The following EXOC6B variants were observed in gnomAD, a reference collection of about 807,000 sequenced individuals.
EXOC6B encodes SEC15 homolog B.
Under a neutral mutation model 113.5 loss-of-function variants are expected in EXOC6B, and 54 were observed. The ratio of observed to expected loss-of-function variants is 0.48; its 90% confidence interval spans 0.38 to 0.60. The LOEUF is 0.60. EXOC6B is among the 20% of genes least tolerant of loss of function. The pLI, the probability that EXOC6B is intolerant of heterozygous loss-of-function variation, is 0.00. For missense variants in EXOC6B, 797 were observed against 977.5 expected (o/e 0.82, Z 2.46); for synonymous variants, 357 against 339.0 (o/e 1.05, Z -0.58).
chr2:72,559,651 A>G (rs959688246), intron 7 of EXOC6B, 130 bp from the exon 8 acceptor site: 2 of 635,466 alleles, frequency 3.1e-6, no homozygotes, highest in Non-Finnish European at 5.3e-6. Flanking sequence ...GAAATACAAA[A>G]CAAACAAAAA....
chr2:72,387,237 T>G (rs1443517570), intron 18 of EXOC6B, among the ~76,000 whole-genome samples: 1 of 152,196 alleles, frequency 6.6e-6, no homozygotes, highest in East Asian at 1.9e-4. Flanking sequence ...TTTCATTTGA[T>G]ACTATTGTGT....
intron 6 of EXOC6B, among the ~76,000 whole-genome samples, chr2:72,649,270 T>A (rs574746406): frequency 3.4e-4 from 52 of 152,200 alleles, no homozygotes; most frequent in African/African-American, 1.1e-3. Context: ...ATAGAATGAA[T>A]AAAATATAGT....
intron 18 of EXOC6B, among the ~76,000 whole-genome samples, chr2:72,433,747 C>T (rs978145552): frequency 3.3e-5 from 5 of 152,158 alleles, no homozygotes; most frequent in Non-Finnish European, 7.3e-5. Flanking sequence ...GATTTTTGCA[C>T]ATTGATTTTG....
chr2:72,493,654 A>G (rs1299899436), intron 15 of EXOC6B, among the ~76,000 whole-genome samples: 4 of 152,060 alleles, frequency 2.6e-5, no homozygotes, highest in Non-Finnish European at 5.9e-5. Flanking sequence ...TAAGATGAGT[A>G]TGAATGCTAG....
chr2:72,324,926 A>T (rs1195963094), intron 20 of EXOC6B, among the ~76,000 whole-genome samples: 2 of 151,944 alleles, frequency 1.3e-5, no homozygotes, highest in African/African-American at 2.4e-5. Context: ...TCCAAACACA[A>T]CTCTCTGCTA....
chr2:72,561,488 T>C (rs1339327965), intron 7 of EXOC6B, among the ~76,000 whole-genome samples: 1 of 152,144 alleles, frequency 6.6e-6, no homozygotes, highest in East Asian at 1.9e-4. Context: ...CTTATTTTGT[T>C]TAACTTCATC....
intron 6 of EXOC6B, among the ~76,000 whole-genome samples, chr2:72,640,906 C>T (rs1673176491): frequency 1.3e-5 from 2 of 152,170 alleles, no homozygotes; most frequent in African/African-American, 2.4e-5. Flanking sequence ...GATTTCAACT[C>T]AAGGAGAAGA....
At chr2:72,508,102 C>CT (rs1389770236) in intron 11 of EXOC6B, among the ~76,000 whole-genome samples, 1 of 122,494 alleles carries the variant, frequency 8.2e-6, no homozygotes, top group Admixed American at 9.6e-5. Flanking sequence ...CACAGAATGA[C>CT]AGTAATACTA....
At chr2:72,612,462 C>G (rs1671133777) in intron 6 of EXOC6B, among the ~76,000 whole-genome samples, 2 of 151,920 alleles carry the variant, frequency 1.3e-5, no homozygotes, top group East Asian at 3.9e-4. Context: ...AACAGAATTC[C>G]AATCTTGCTA....
intron 6 of EXOC6B, among the ~76,000 whole-genome samples, chr2:72,602,587 C>G (rs1017483104): frequency 6.6e-6 from 1 of 152,128 alleles, no homozygotes; most frequent in African/African-American, 2.4e-5. Context: ...TATAGAACAG[C>G]AATCTGATAT....
chr2:72,687,023 A>T (rs1677136623), intron 6 of EXOC6B, among the ~76,000 whole-genome samples: 1 of 151,922 alleles, frequency 6.6e-6, no homozygotes, highest in Non-Finnish European at 1.5e-5. Flanking sequence ...CTGTAGTCCC[A>T]GCTACTCGGG....
chr2:72,468,386 C>T (rs1698189372), intron 17 of EXOC6B, among the ~76,000 whole-genome samples: 1 of 152,128 alleles, frequency 6.6e-6, no homozygotes, highest in African/African-American at 2.4e-5. Context: ...TTTCTCAACA[C>T]CACTTATTTT....
At chr2:72,235,001 G>A (rs1681867842) in intron 20 of EXOC6B, among the ~76,000 whole-genome samples, 2 of 152,096 alleles carry the variant, frequency 1.3e-5, no homozygotes, top group Admixed American at 6.5e-5. Context: ...ATTTCTCAAA[G>A]AACTTAAAGC....
At chr2:72,417,221 T>C (rs927195444) in intron 18 of EXOC6B, among the ~76,000 whole-genome samples, 1 of 152,222 alleles carries the variant, frequency 6.6e-6, no homozygotes, top group African/African-American at 2.4e-5. Context: ...AGCATTTTAA[T>C]TCACTCTGGT....
intron 21 of EXOC6B, among the ~76,000 whole-genome samples, chr2:72,181,141 G>A (rs572441065): frequency 9.3e-5 from 14 of 150,030 alleles, no homozygotes; most frequent in Admixed American, 3.3e-4. Context: ...CCCAGGAGGC[G>A]GAGCTTGCAG....
chr2:72,209,223 C>CAAAAAAAAAAAAAAAAA (rs1170760516), intron 20 of EXOC6B, among the ~76,000 whole-genome samples: 2 of 57,102 alleles, frequency 3.5e-5, no homozygotes, highest in Non-Finnish European at 6.6e-5. Context: ...AACTCAGTCT[C>CAAAAAAAAAAAAAAAAA]AAAAAAAAAA....
intron 20 of EXOC6B, among the ~76,000 whole-genome samples, chr2:72,265,360 G>A (rs1398108132): frequency 2.0e-5 from 3 of 149,622 alleles, no homozygotes; most frequent in East Asian, 2.0e-4. Context: ...CCATTAACTC[G>A]TCATTTAGCA....
chr2:72,678,540 T>A (rs1454122698), intron 6 of EXOC6B, among the ~76,000 whole-genome samples: 1 of 152,176 alleles, frequency 6.6e-6, no homozygotes, highest in African/African-American at 2.4e-5. Flanking sequence ...ACCCCACCTT[T>A]ACTAAAAATG....
chr2:72,791,640 T>A (rs954696223), intron 1 of EXOC6B, among the ~76,000 whole-genome samples: 1 of 152,230 alleles, frequency 6.6e-6, no homozygotes, highest in African/African-American at 2.4e-5. Flanking sequence ...CATAAATGCT[T>A]ATTAACAAAT....
Sources: allele counts gnomAD v4.1 joint callset (sites outside exome capture counted in the v4.1 genomes callset), GRCh38; gene constraint gnomAD v4.1.1; transcripts MANE v1.5; gene names NCBI Gene and HGNC (gene_info 2026-07-23, HGNC 2026-07-21).